PKHD1L1: variants seen among roughly 807,000 people sequenced by gnomAD.
PKHD1L1 encodes PKHD1 like 1, also known as fibrocystin-L.
A neutral mutation model predicts 462.9 loss-of-function variants in PKHD1L1; 434 were observed. The observed-to-expected ratio is 0.94, with a 90% CI of 0.87 to 1.02. The LOEUF (loss-of-function observed/expected upper bound fraction) is 1.02. PKHD1L1 is among the 50% of genes least tolerant of loss of function. The pLI is 0.00. For missense variants in PKHD1L1, 5,202 were observed against 5,096.1 expected, an observed-to-expected ratio of 1.02 and a Z score of -0.63; for synonymous variants, 1,781 against 1,750.0, an observed-to-expected ratio of 1.02 and a Z score of -0.44.
rs1172575852 is a variant in PKHD1L1 at position 109,466,566 on chromosome 8, T to A, written c.8414-12T>A. On this transcript the variant is annotated splice_polypyrimidine_tract_variant and intron_variant, in intron 49 of 77. Coordinates refer to ENST00000378402, the MANE Select transcript of PKHD1L1 (RefSeq NM_177531.6). ...TGAAATAAAAAACATATTTTGTTTGTTTGTTTCCCAGGGCACAAAGGACAT... is the reference window on the plus strand; with the variant it reads ...TGAAATAAAAAACATATTTTGTTTGATTGTTTCCCAGGGCACAAAGGACAT... The A allele has an allele frequency of 2.6e-6, 4 of 1,560,026 alleles. No individual in the cohort carries two copies. Among genetic ancestry groups the A allele is most frequent in the African/African-American group, 1.4e-5 (1 of 72,638 alleles).
intron 2 of PKHD1L1, among the ~76,000 whole-genome samples, chr8:109,376,828 G>C (rs1052992210): frequency 6.6e-6 from 1 of 152,182 alleles, no homozygotes; most frequent in South Asian, 2.1e-4. Context: ...GGTAAGAGGG[G>C]TTATATCTTG....
rs552015586 is a variant in PKHD1L1 at position 109,395,528 on chromosome 8, A to G, written c.812-499A>G. 5.9e-5 allele frequency among the ~76,000 whole-genome samples: 9 copies of G among 152,324 alleles called. No individual in the cohort carries two copies. The South Asian group carries it at 1.9e-3, about 32-fold the overall frequency. Reference sequence around the variant, plus strand: ...TAGATATTTGATAGAGTTAATAAGGATAAATTTTAGTAAGAATCTGCCATA... The same window carrying G: ...TAGATATTTGATAGAGTTAATAAGGGTAAATTTTAGTAAGAATCTGCCATA... On this transcript the variant is annotated intron_variant, in intron 10 of 77. Coordinates refer to ENST00000378402, the MANE Select transcript of PKHD1L1 (RefSeq NM_177531.6).
intron 67 of PKHD1L1, among the ~76,000 whole-genome samples, chr8:109,500,504 G>T (rs1337472636): frequency 7.9e-6 from 1 of 126,136 alleles, no homozygotes; most frequent in Non-Finnish European, 1.6e-5. Context: ...GTGAAACCCC[G>T]ACTCTACTAA....
chr8:109,450,202 T>G (rs1339499021), intron 40 of PKHD1L1, among the ~76,000 whole-genome samples: 1 of 152,170 alleles, frequency 6.6e-6, no homozygotes, highest in Admixed American at 6.5e-5. Context: ...AATGGATTGT[T>G]GTGAAGATTA....
rs148547837 is a variant in PKHD1L1 at position 109,381,934 on chromosome 8, A to G, written c.308+420A>G. 3.1e-3 allele frequency among the ~76,000 whole-genome samples: 469 copies of G among 152,290 alleles called. 1 individual carries two copies. The highest frequency in any genetic ancestry group is 6.8e-3 in the Middle Eastern group (2 of 294). On this transcript the variant is annotated intron_variant, in intron 3 of 77. Transcript: ENST00000378402. ...TTTCAAGTTCTTTACTATCAGCCCA[A>G]ATTCATGTATGTTATTAGCAACTTA...
intron 2 of PKHD1L1, among the ~76,000 whole-genome samples, chr8:109,365,351 A>G (rs1340824227): frequency 6.6e-6 from 1 of 152,210 alleles, no homozygotes; most frequent in Admixed American, 6.5e-5. Context: ...TAAGAAATGA[A>G]AAGTTTTCAT....
chr8:109,521,077 A>G (rs1820527434), intron 73 of PKHD1L1, among the ~76,000 whole-genome samples: 1 of 152,160 alleles, frequency 6.6e-6, no homozygotes, highest in Admixed American at 6.5e-5. Flanking sequence ...GGAATCTGAA[A>G]GACTGAGCCT....
intron 10 of PKHD1L1, 45 bp from the exon 11 acceptor site, chr8:109,395,982 A>C: frequency 1.5e-6 from 2 of 1,338,932 alleles, no homozygotes; most frequent in Non-Finnish European, 2.1e-6. Context: ...ATTTGGGTTT[A>C]TGTGTAATAT....
chr8:109,507,784 G>C lies in PKHD1L1; in HGVS notation c.11116G>C (p.Glu3706Gln). 6.2e-7 allele frequency: 1 copy of C among 1,613,450 alleles called. No individual in the cohort carries two copies. Among genetic ancestry groups the C allele is most frequent in the Non-Finnish European group, 8.5e-7 (1 of 1,179,660 alleles). Residue 3706 changes from glutamate to glutamine, a missense_variant, in exon 69 of 78, where the codon GAA becomes CAA. Glu to Gln is a conservative substitution (Grantham distance 29). Coordinates refer to ENST00000378402, the MANE Select transcript of PKHD1L1 (RefSeq NM_177531.6). ...AGSVIPQAEY[E>Q]WDGNSQVGIG... ...TTCTGTGATACCTCAAGCAGAATAT[G>C]AATGGGACGGAAACAGCCAAGTAGG...
intron 47 of PKHD1L1, 136 bp downstream of exon 47, chr8:109,459,972 A>C: frequency 1.4e-6 from 1 of 691,694 alleles, no homozygotes; most frequent in Non-Finnish European, 2.0e-6. Flanking sequence ...TATTAATCTT[A>C]TAAGATACCA....
chr8:109,422,317 C>T (rs1004983903), intron 23 of PKHD1L1, among the ~76,000 whole-genome samples: 3 of 152,186 alleles, frequency 2.0e-5, no homozygotes, highest in African/African-American at 7.2e-5. Flanking sequence ...TTACGAGCGT[C>T]TCTTGTGCTA....
chr8:109,417,883 G>C (rs1257468332), intron 21 of PKHD1L1, among the ~76,000 whole-genome samples: 3 of 152,122 alleles, frequency 2.0e-5, no homozygotes, highest in African/African-American at 7.2e-5. Context: ...CTTTAATATA[G>C]GTCAGACAGT....
chr8:109,439,598 T>G (rs1032965487), intron 32 of PKHD1L1, among the ~76,000 whole-genome samples: 2 of 152,130 alleles, frequency 1.3e-5, no homozygotes, highest in African/African-American at 4.8e-5. Context: ...GGAAAAGTTC[T>G]CTGAAAAGCT....
chr8:109,511,592 CATT>C (rs1434674089), intron 71 of PKHD1L1, among the ~76,000 whole-genome samples: 3 of 151,924 alleles, frequency 2.0e-5, no homozygotes, highest in Non-Finnish European at 4.4e-5. Context: ...TCCAGTCTAT[CATT>C]GTTGGACATT....
At chr8:109,391,128 G>T (rs1443176062) in intron 9 of PKHD1L1, among the ~76,000 whole-genome samples, 1 of 152,110 alleles carries the variant, frequency 6.6e-6, no homozygotes, top group Non-Finnish European at 1.5e-5. Context: ...CAGCAGGCAT[G>T]GTATTAAGCA....
chr8:109,518,649 C>CT (rs1820399514), intron 73 of PKHD1L1, 141 bp downstream of exon 73: 2 of 615,896 alleles, frequency 3.2e-6, no homozygotes, highest in Admixed American at 6.4e-5. Flanking sequence ...CCCAGAGACC[C>CT]TTTTTCCTTC....
intron 66 of PKHD1L1, 26 bp from the exon 67 acceptor site, chr8:109,498,629 A>T (rs1184698592): frequency 1.2e-6 from 2 of 1,612,210 alleles, no homozygotes; most frequent in Non-Finnish European, 1.7e-6. Context: ...TTCAATTTTC[A>T]TTAACTTTTT....
At chr8:109,428,559 T>A (rs1014272863) in intron 25 of PKHD1L1, among the ~76,000 whole-genome samples, 8 of 152,044 alleles carry the variant, frequency 5.3e-5, no homozygotes, top group South Asian at 2.1e-4. Flanking sequence ...GGGGTTATTT[T>A]AAAAAAAATA....
At chr8:109,399,271 T>C (rs1380935346) in intron 12 of PKHD1L1, among the ~76,000 whole-genome samples, 1 of 152,180 alleles carries the variant, frequency 6.6e-6, no homozygotes. Context: ...TGTATATCAC[T>C]AGACACTGCT....
Sources: gnomAD v4.1 joint callset for allele counts (sites outside exome capture counted in the v4.1 genomes callset) on GRCh38, gnomAD v4.1.1 for gene constraint, MANE v1.5 for transcripts, NCBI Gene and HGNC (gene_info 2026-07-23, HGNC 2026-07-21) for gene names.